Variants in NECAB2 observed in about 807,000 individuals in gnomAD.
NECAB2 encodes the protein N-terminal EF-hand calcium-binding protein 2.
NECAB2 carries 68 observed loss-of-function variants against 51.9 expected under a neutral mutation model. The observed-to-expected ratio is 1.31, with a 90% CI of 1.08 to 1.60. NECAB2 has a LOEUF of 1.60. Among genes scored for constraint, NECAB2 ranks in the 40% most tolerant of loss-of-function variants. The pLI is 0.00. For synonymous variants in NECAB2, 329 were observed against 203.5 expected (o/e 1.62, Z -5.25); for missense variants, 854 against 490.3 (o/e 1.74, Z -7.00).
At chr16:84,000,244 T>A (rs1280136378) in intron 10 of NECAB2, among the ~76,000 whole-genome samples, 1 of 152,158 alleles carries the variant, frequency 6.6e-6, no homozygotes, top group Non-Finnish European at 1.5e-5. Context: ...TAACATGACA[T>A]TTCAGCTGGG....
chr16:83,976,697 G>A (rs971525656), intron 2 of NECAB2, among the ~76,000 whole-genome samples: 4 of 126,580 alleles, frequency 3.2e-5, no homozygotes, highest in African/African-American at 5.2e-5. Context: ...AATCTGAGCT[G>A]CGATGGGGGC....
rs1432779913 is a variant in NECAB2, at chr16:83,994,785, G to C, written c.795+97G>C. 6.6e-6 allele frequency: 9 copies of C among 1,367,520 alleles called. No individual in the cohort carries two copies. In the African/African-American group the frequency reaches 1.0e-4, roughly 15 times the overall value. The allele number at this position is 1,367,520 out of a possible 1,614,324, so 84.7% of individuals were successfully genotyped here. On this transcript the variant is annotated intron_variant, in intron 8 of 12. Transcript: ENST00000305202. ...CAGGACAAAAGTCTGGGCTGCAGAGGGGCCAGGGAACCATGAAAAAGACAT... is the reference window on the plus strand; with the variant it reads ...CAGGACAAAAGTCTGGGCTGCAGAGCGGCCAGGGAACCATGAAAAAGACAT...
chr16:83,997,451 CG>C (rs1567677987), intron 9 of NECAB2, among the ~76,000 whole-genome samples, 182 bp downstream of exon 9: 1 of 143,260 alleles, frequency 7.0e-6, no homozygotes, highest in African/African-American at 2.6e-5. Context: ...CCACCAACTC[CG>C]GGGGTATTTC....
intron 2 of NECAB2, among the ~76,000 whole-genome samples, chr16:83,975,332 G>A (rs111264779): frequency 2.0e-3 from 285 of 145,332 alleles, no homozygotes; most frequent in African/African-American, 6.8e-3. Context: ...GTGTGGGTGC[G>A]GGGATGGGAA....
chr16:83,979,528 G>T (rs1441806419), intron 3 of NECAB2, among the ~76,000 whole-genome samples: 1 of 152,172 alleles, frequency 6.6e-6, no homozygotes, highest in South Asian at 2.1e-4. Context: ...ATGGCTTCAG[G>T]CTCCAGACTG....
In NECAB2 at chr16:83,972,165, G is replaced by A. The variant is rs373390598; in HGVS notation, c.216G>A (p.Ala72=). Residue 72 remains alanine, a synonymous_variant, in exon 2 of 13, where the codon GCG becomes GCA. Transcript: ENST00000305202. ...CTTTTCTGCAGATTTTCCGCCGTGCGGACAAAAATGGTGAGTTTCCCTTCC... is the reference window on the plus strand; with the variant it reads ...CTTTTCTGCAGATTTTCCGCCGTGCAGACAAAAATGGTGAGTTTCCCTTCC... The part of the protein sequence containing the change: ...TAVILDIFRR[A]DKNDDGKLSL... 30 of 1,613,364 alleles carry A rather than the reference G, an allele frequency of 1.9e-5. No homozygotes were observed. Among genetic ancestry groups the A allele is most frequent in the Admixed American group, 6.7e-5 (4 of 60,000 alleles).
intron 5 of NECAB2, among the ~76,000 whole-genome samples, chr16:83,987,297 T>C (rs1209767593): frequency 6.6e-6 from 1 of 152,236 alleles, no homozygotes; most frequent in Non-Finnish European, 1.5e-5. Context: ...GTATCTGTTC[T>C]GTGAGACAGT....
At chr16:83,995,455 T>C (rs1206128527) in intron 8 of NECAB2, among the ~76,000 whole-genome samples, 1 of 152,146 alleles carries the variant, frequency 6.6e-6, no homozygotes, top group African/African-American at 2.4e-5. Context: ...ACCAAAATGA[T>C]GTCTCCGGTT....
At chr16:83,988,725 A>G (rs1179239851) in intron 5 of NECAB2, among the ~76,000 whole-genome samples, 1 of 152,200 alleles carries the variant, frequency 6.6e-6, no homozygotes, top group African/African-American at 2.4e-5. Flanking sequence ...GAGATCTCCC[A>G]GTTGTTCTAC....
chr16:83,987,723 A>G (rs575297918), intron 5 of NECAB2, among the ~76,000 whole-genome samples: 3 of 150,926 alleles, frequency 2.0e-5, no homozygotes, highest in South Asian at 2.1e-4. Context: ...AGTTTTTGCT[A>G]TTATGAGTAT....
intron 2 of NECAB2, among the ~76,000 whole-genome samples, chr16:83,976,151 C>G (rs1056029206): frequency 2.0e-5 from 3 of 152,160 alleles, no homozygotes; most frequent in Admixed American, 6.5e-5. Context: ...GGGCTCACAA[C>G]CCCTGTCATG....
At chr16:83,997,005 C>T (rs75767113) in intron 8 of NECAB2, among the ~76,000 whole-genome samples, 3,233 of 150,734 alleles carry the variant, frequency 0.021, 95 homozygotes, top group African/African-American at 0.077. Context: ...CTTGCTGCCT[C>T]TCCCAAGCCA....
chr16:83,998,158 G>A lies in NECAB2; in HGVS notation c.850-47G>A, dbSNP rs748397057. 6 of 1,568,498 alleles carry A rather than the reference G, an allele frequency of 3.8e-6. No individual in the cohort carries two copies. The Admixed American group carries it at 8.6e-5, about 22-fold the overall frequency. On this transcript the variant is annotated intron_variant, in intron 9 of 12. Coordinates refer to ENST00000305202, the MANE Select transcript of NECAB2 (RefSeq NM_019065.3). ...GGGGGCCTGATGGGGTGTTTAGGGA[G>A]AAGGCCTGACGTGGAGCCCCACACT...
At chr16:83,990,054 C>A (rs1639153610) in intron 5 of NECAB2, among the ~76,000 whole-genome samples, 1 of 152,210 alleles carries the variant, frequency 6.6e-6, no homozygotes, top group Non-Finnish European at 1.5e-5. Flanking sequence ...CTTGCCTGAT[C>A]ATTATCCTTG....
intron 3 of NECAB2, among the ~76,000 whole-genome samples, chr16:83,980,515 T>G (rs982161770): frequency 3.3e-5 from 5 of 151,944 alleles, no homozygotes; most frequent in African/African-American, 1.2e-4. Context: ...CCCGTCACAG[T>G]AATGGGTCCC....
intron 5 of NECAB2, among the ~76,000 whole-genome samples, chr16:83,986,019 C>CT (rs969842926): frequency 6.6e-6 from 1 of 152,038 alleles, no homozygotes; most frequent in African/African-American, 2.4e-5. Context: ...TTTCTTGTTT[C>CT]TTTTTTTCTT....
At chr16:83,967,686 G>A (rs532437209), upstream of NECAB2, among the ~76,000 whole-genome samples, 1 of 141,838 alleles carries the variant, frequency 7.1e-6, no homozygotes, top group East Asian at 2.2e-4. Flanking sequence ...ACAGATGGGC[G>A]GGCGGGCAGA....
intron 5 of NECAB2, among the ~76,000 whole-genome samples, chr16:83,985,444 C>T (rs536451671): frequency 4.0e-5 from 6 of 150,870 alleles, no homozygotes; most frequent in Non-Finnish European, 8.8e-5. Context: ...ACAAGCCTGG[C>T]CAACATGGTG....
chr16:83,978,424 C>G lies in NECAB2; in HGVS notation c.227-20C>G. On this transcript the variant is annotated intron_variant, in intron 2 of 12. Transcript: ENST00000305202. Reference sequence around the variant, plus strand: ...TATCTCTGCAGACACCAGCTCCTTTCTCTGCTTCCTTCCTTGCAGATGATG... The same window carrying G: ...TATCTCTGCAGACACCAGCTCCTTTGTCTGCTTCCTTCCTTGCAGATGATG... 1 of 1,604,748 alleles carries G rather than the reference C, an allele frequency of 6.2e-7. No individual in the cohort carries two copies. The highest frequency in any genetic ancestry group is 1.3e-5 in the African/African-American group (1 of 74,728).
Sources: gnomAD v4.1 joint callset for allele counts (sites outside exome capture counted in the v4.1 genomes callset) on GRCh38, gnomAD v4.1.1 for gene constraint, MANE v1.5 for transcripts, NCBI Gene and HGNC (gene_info 2026-07-23, HGNC 2026-07-21) for gene names.